DNAH14: variants seen among roughly 807,000 people sequenced by gnomAD.
DNAH14 encodes the protein dynein axonemal heavy chain 14, also known as axonemal beta dynein heavy chain 14.
Under a neutral mutation model 520.9 loss-of-function variants are expected in DNAH14, and 478 were observed. That is an observed-to-expected ratio of 0.92 (90% CI 0.85 to 0.99). The LOEUF (loss-of-function observed/expected upper bound fraction) is 0.99. Among genes scored for constraint, DNAH14 ranks in the 50% least tolerant of loss-of-function variants. The probability of loss-of-function intolerance (pLI) is 0.00; values close to 1 mark genes in which losing one functional copy is unlikely to be tolerated. For missense variants in DNAH14, 4,831 were observed against 5,234.5 expected (o/e 0.92, Z 2.38); for synonymous variants, 1,581 against 1,757.2 (o/e 0.90, Z 2.51).
intron 1 of DNAH14, among the ~76,000 whole-genome samples, chr1:224,942,969 T>A (rs184378169): frequency 6.6e-6 from 1 of 152,354 alleles, no homozygotes; most frequent in Non-Finnish European, 1.5e-5. Context: ...AATTCTCTTT[T>A]TTTGTTGTGT....
intron 43 of DNAH14, among the ~76,000 whole-genome samples, chr1:225,249,626 C>T (rs1270001826): frequency 2.0e-5 from 3 of 152,176 alleles, no homozygotes; most frequent in African/African-American, 7.2e-5. Flanking sequence ...ACCAAATTCA[C>T]CCACTTCAAA....
intron 54 of DNAH14, among the ~76,000 whole-genome samples, chr1:225,286,628 G>C (rs1406886265): frequency 6.6e-6 from 1 of 152,142 alleles, no homozygotes; most frequent in East Asian, 1.9e-4. Context: ...TAGCTGGTGG[G>C]AATTGAAAAT....
intron 58 of DNAH14, among the ~76,000 whole-genome samples, chr1:225,306,892 T>C (rs1037068163): frequency 6.6e-6 from 1 of 152,138 alleles, no homozygotes; most frequent in African/African-American, 2.4e-5. Flanking sequence ...TCTTTGCTAC[T>C]TGGAAATTTC....
intron 10 of DNAH14, among the ~76,000 whole-genome samples, chr1:225,008,170 C>T (rs1339655193): frequency 6.6e-6 from 1 of 151,856 alleles, no homozygotes; most frequent in Non-Finnish European, 1.5e-5. Context: ...TGAGAACATG[C>T]AGTGTTTGTT....
At chr1:225,344,333 T>G (rs1193368523) in intron 69 of DNAH14, among the ~76,000 whole-genome samples, 1 of 152,116 alleles carries the variant, frequency 6.6e-6, no homozygotes, top group African/African-American at 2.4e-5. Flanking sequence ...ACTCAGGTAT[T>G]AAGCCCAGTA....
At chr1:224,982,342 G>A (rs2062333749) in intron 8 of DNAH14, among the ~76,000 whole-genome samples, 2 of 152,188 alleles carry the variant, frequency 1.3e-5, no homozygotes, top group Non-Finnish European at 2.9e-5. Context: ...GAATATCTGT[G>A]TGTCAGTGTA....
intron 23 of DNAH14, among the ~76,000 whole-genome samples, chr1:225,116,263 A>G (rs1048339302): frequency 5.3e-5 from 8 of 152,194 alleles, no homozygotes; most frequent in African/African-American, 1.9e-4. Flanking sequence ...TTACTTTTAT[A>G]AGTAGCCACT....
At chr1:225,059,214 A>G (rs2069620756) in intron 17 of DNAH14, among the ~76,000 whole-genome samples, 1 of 152,144 alleles carries the variant, frequency 6.6e-6, no homozygotes, top group Non-Finnish European at 1.5e-5. Flanking sequence ...GTGCTCCTGT[A>G]TTGGCTGCAT....
intron 27 of DNAH14, among the ~76,000 whole-genome samples, chr1:225,138,001 C>G (rs1298782905): frequency 1.3e-5 from 2 of 152,172 alleles, no homozygotes; most frequent in Non-Finnish European, 2.9e-5. Flanking sequence ...GTTAAAGAAG[C>G]AGTCTGGCCA....
At chr1:225,019,307 A>C (rs771107012) in intron 10 of DNAH14, among the ~76,000 whole-genome samples, 6 of 152,216 alleles carry the variant, frequency 3.9e-5, no homozygotes, top group African/African-American at 1.4e-4. Context: ...TTAAACAAAC[A>C]ATGATCAAAA....
At chr1:225,157,509 CTT>C (rs1275344174) in intron 34 of DNAH14, among the ~76,000 whole-genome samples, 2 of 152,002 alleles carry the variant, frequency 1.3e-5, no homozygotes, top group African/African-American at 4.8e-5. Flanking sequence ...CAAAATTACT[CTT>C]TTGTAATATT....
chr1:224,946,952 C>G (rs1039685128), intron 1 of DNAH14, among the ~76,000 whole-genome samples: 1 of 127,552 alleles, frequency 7.8e-6, no homozygotes. Context: ...GAGTCTTGCT[C>G]TGTTGCCCAG....
chr1:225,173,445 T>C (rs1362732257), intron 36 of DNAH14, among the ~76,000 whole-genome samples: 4 of 151,904 alleles, frequency 2.6e-5, no homozygotes, highest in South Asian at 4.2e-4. Context: ...AAAAAGTGGG[T>C]GAAGGATATG....
At chr1:225,357,419 T>A (rs905230648) in intron 73 of DNAH14, among the ~76,000 whole-genome samples, 1 of 152,050 alleles carries the variant, frequency 6.6e-6, no homozygotes, top group African/African-American at 2.4e-5. Flanking sequence ...GGCACATTGG[T>A]GACAAAAAAA....
intron 21 of DNAH14, among the ~76,000 whole-genome samples, chr1:225,092,000 G>A (rs536734469): frequency 6.6e-6 from 1 of 152,164 alleles, no homozygotes; most frequent in East Asian, 1.9e-4. Flanking sequence ...ATGGTAAAGG[G>A]TTCAATTCAA....
At chr1:225,331,403 T>C in intron 64 of DNAH14, 34 bp from the exon 65 acceptor site, 10 of 1,540,970 alleles carry the variant, frequency 6.5e-6, no homozygotes, top group Non-Finnish European at 7.9e-6. Flanking sequence ...GAGAGTAAGA[T>C]ATTTTTCTCA....
chr1:225,249,545 G>T (rs1263372867), intron 43 of DNAH14, among the ~76,000 whole-genome samples: 1 of 152,154 alleles, frequency 6.6e-6, no homozygotes, highest in Non-Finnish European at 1.5e-5. Flanking sequence ...GCCCAGGGAA[G>T]GGAACCTAAG....
At chr1:225,391,915 T>C (rs1166069737) in intron 83 of DNAH14, among the ~76,000 whole-genome samples, 2 of 152,118 alleles carry the variant, frequency 1.3e-5, no homozygotes, top group African/African-American at 4.8e-5. Context: ...TCTGACACAC[T>C]TGGTCTTGTA....
intron 38 of DNAH14, among the ~76,000 whole-genome samples, chr1:225,201,629 T>C (rs980966347): frequency 3.9e-5 from 6 of 152,124 alleles, no homozygotes; most frequent in African/African-American, 9.7e-5. Flanking sequence ...GAGATTGTTA[T>C]CTCTTTTCTG....
Sources: gnomAD v4.1 joint callset for allele counts (sites outside exome capture counted in the v4.1 genomes callset) on GRCh38, gnomAD v4.1.1 for gene constraint, MANE v1.5 for transcripts, NCBI Gene and HGNC (gene_info 2026-07-23, HGNC 2026-07-21) for gene names.